The following NCOA3 variants were observed in gnomAD, a reference collection of about 807,000 sequenced individuals.
The protein encoded by NCOA3 is nuclear receptor coactivator 3.
In NCOA3, 51 loss-of-function variants were observed where a neutral mutation model predicts 158.8. That is an observed-to-expected ratio of 0.32 (90% CI 0.26 to 0.41). The LOEUF (loss-of-function observed/expected upper bound fraction) is 0.41, where lower values mean the gene tolerates loss of function less well. NCOA3 is among the 10% of genes least tolerant of loss of function. The probability of loss-of-function intolerance (pLI) is 1.00; values close to 1 mark genes in which losing one functional copy is unlikely to be tolerated. For missense variants in NCOA3, 1,510 were observed against 1,746.6 expected, an observed-to-expected ratio of 0.86 and a Z score of 2.41; for synonymous variants, 537 against 592.4, an observed-to-expected ratio of 0.91 and a Z score of 1.36.
Position 47,636,318 on chromosome 20 carries a change from A to G in NCOA3, c.1932A>G (p.Ser644=). ...CCTTGACCAACTCCCCCCTAGATTC[A>G]AGTTGTAAAGAATCTTCTGTTAGTG... ...HSSLTNSPLD[S]SCKESSVSVT... is the part of the protein sequence containing the mutation. The change falls in exon 12 of 23, where the codon TCA becomes TCG. Residue 644 remains serine (S), a synonymous_variant. Transcript: ENST00000371998. The G allele has an allele frequency of 6.2e-7, 1 of 1,614,104 alleles. No homozygotes were observed. Among genetic ancestry groups the G allele is most frequent in the Non-Finnish European group, 8.5e-7 (1 of 1,179,986 alleles).
At chr20:47,543,685 C>T (rs2425961) in intron 1 of NCOA3, among the ~76,000 whole-genome samples, 33,688 of 151,758 alleles carry the variant, frequency 0.22, 4,358 homozygotes, top group African/African-American at 0.34. Context: ...CAGTTTTGTG[C>T]TTTTAGTGTA....
At chr20:47,570,620 C>G (rs868851311) in intron 1 of NCOA3, among the ~76,000 whole-genome samples, 1 of 152,114 alleles carries the variant, frequency 6.6e-6, no homozygotes, top group Non-Finnish European at 1.5e-5. Flanking sequence ...GAATCAACGT[C>G]TTTCAGACTC....
intron 2 of NCOA3, among the ~76,000 whole-genome samples, chr20:47,620,058 T>C (rs2086210627): frequency 6.6e-6 from 1 of 151,940 alleles, no homozygotes; most frequent in Non-Finnish European, 1.5e-5. Flanking sequence ...CCTCCCAAAG[T>C]GGTGGGATTA....
At chr20:47,546,119 C>T (rs866903246) in intron 1 of NCOA3, among the ~76,000 whole-genome samples, 1 of 152,188 alleles carries the variant, frequency 6.6e-6, no homozygotes, top group Non-Finnish European at 1.5e-5. Flanking sequence ...AACTGAAACT[C>T]AACATGTCCC....
rs2230782 is a variant in NCOA3 at position 47,636,144 on chromosome 20, G to A, written c.1758G>A (p.Gln586=). ...ATCCAGTGGAGAGTTCAATGTGTCA[G>A]TCAAATAGCAGAGATCACCTCAGTG... The part of the protein sequence containing the change: ...DQNPVESSMC[Q]SNSRDHLSDK... The change falls in exon 12 of 23, where the codon CAG becomes CAA. Residue 586 remains glutamine, a synonymous_variant. Coordinates refer to ENST00000371998, the MANE Select transcript of NCOA3 (RefSeq NM_181659.3). 3.7e-6 allele frequency: 6 copies of A among 1,614,140 alleles called. No individual in the cohort carries two copies. In the Admixed American group the frequency reaches 1.0e-4, roughly 27 times the overall value.
chr20:47,594,049 A>G (rs1391060692), intron 2 of NCOA3, among the ~76,000 whole-genome samples: 1 of 152,194 alleles, frequency 6.6e-6, no homozygotes, highest in Non-Finnish European at 1.5e-5. Context: ...AAACCAAACA[A>G]CTTAAGTGAA....
At chr20:47,526,664 G>C (rs534279853) in intron 1 of NCOA3, among the ~76,000 whole-genome samples, 45 of 152,378 alleles carry the variant, frequency 3.0e-4, no homozygotes, top group Non-Finnish European at 3.8e-4. Flanking sequence ...GGCAAGCTGA[G>C]GCAGGAGAAT....
chr20:47,653,793 A>C lies in NCOA3; in HGVS notation c.*376A>C. 1 of 257,894 alleles carries C rather than the reference A, an allele frequency of 3.9e-6. No individual in the cohort carries two copies. Among genetic ancestry groups the C allele is most frequent in the Non-Finnish European group, 7.4e-6 (1 of 135,910 alleles). 16.0% of individuals were successfully genotyped at this position (257,894 alleles called of 1,614,324 possible). A position where few individuals can be genotyped will look rare whatever the true frequency, so the allele number is the denominator to read the frequency against. Reference sequence around the variant, plus strand: ...ACGTAGGTGGGCCAGAGAACATTGGAAGAATCAAGAGAGATTAGAATATCT... The same window carrying C: ...ACGTAGGTGGGCCAGAGAACATTGGCAGAATCAAGAGAGATTAGAATATCT... On this transcript the variant is annotated 3_prime_UTR_variant, in exon 23 of 23. Transcript: ENST00000371998.
chr20:47,506,363 T>C (rs182551470), intron 1 of NCOA3, among the ~76,000 whole-genome samples: 6 of 152,346 alleles, frequency 3.9e-5, no homozygotes, highest in African/African-American at 1.4e-4. Flanking sequence ...GAATTGAATT[T>C]AATTGCCTTT....
chr20:47,550,674 G>A (rs2084915163), intron 1 of NCOA3, among the ~76,000 whole-genome samples: 1 of 152,102 alleles, frequency 6.6e-6, no homozygotes, highest in Non-Finnish European at 1.5e-5. Context: ...CTCTTATCAT[G>A]TAATTAAGAT....
At chr20:47,587,280 C>T (rs78671413) in intron 2 of NCOA3, among the ~76,000 whole-genome samples, 3 of 152,166 alleles carry the variant, frequency 2.0e-5, no homozygotes, top group Non-Finnish European at 4.4e-5. Context: ...GCTAGTGAAA[C>T]TCCTGTAAGT....
intron 1 of NCOA3, among the ~76,000 whole-genome samples, chr20:47,519,111 G>A (rs891956255): frequency 6.6e-6 from 1 of 150,962 alleles, no homozygotes; most frequent in African/African-American, 2.4e-5. Context: ...ACTCCACACT[G>A]GGTGACAGAG....
chr20:47,528,840 C>G (rs2146101652), intron 1 of NCOA3, among the ~76,000 whole-genome samples: 1 of 152,242 alleles, frequency 6.6e-6, no homozygotes, highest in Non-Finnish European at 1.5e-5. Flanking sequence ...ATGGTGTGAT[C>G]TTAGCTCACT....
chr20:47,526,313 A>G (rs1191291897), intron 1 of NCOA3, among the ~76,000 whole-genome samples: 4 of 150,732 alleles, frequency 2.7e-5, no homozygotes, highest in Admixed American at 1.3e-4. Context: ...CACATCCCAG[A>G]CGATGGGCGG....
chr20:47,603,046 TA>T (rs2085887604), intron 2 of NCOA3, among the ~76,000 whole-genome samples: 1 of 152,236 alleles, frequency 6.6e-6, no homozygotes, highest in African/African-American at 2.4e-5. Flanking sequence ...ATGCCTTTCC[TA>T]ATAAGAGTTC....
chr20:47,549,135 C>T (rs2146149290), intron 1 of NCOA3, among the ~76,000 whole-genome samples: 2 of 152,122 alleles, frequency 1.3e-5, no homozygotes, highest in Middle Eastern at 6.8e-3. Flanking sequence ...ACCTCAGCCT[C>T]CAAAAGTGTT....
rs1451919248 is a variant in NCOA3, at chr20:47,627,961, C to T, written c.761C>T (p.Thr254Ile). Reference protein sequence around the residue: ...SCMICVARRITTGERTFPSNP... With the variant: ...SCMICVARRIITGERTFPSNP... ...ATGATCTGTGTGGCACGCCGCATTA[C>T]TACAGGAGAAAGAACATTTCCATCA... The change falls in exon 8 of 23, where the codon ACT becomes ATT. Residue 254 changes from threonine to isoleucine, a missense_variant. By Grantham distance (89) the Thr-to-Ile change is moderately conservative. Around this residue, in one of 4 missense-constraint regions of NCOA3, gnomAD observed 309 missense variants for 427.1 expected, o/e 0.72. Transcript: ENST00000371998. 3 of 1,613,824 alleles carry T rather than the reference C, an allele frequency of 1.9e-6. No individual in the cohort carries two copies. Among genetic ancestry groups the T allele is most frequent in the Non-Finnish European group, 2.5e-6 (3 of 1,179,960 alleles).
At chr20:47,632,853 T>C (rs1172961978) in intron 8 of NCOA3, among the ~76,000 whole-genome samples, 2 of 151,662 alleles carry the variant, frequency 1.3e-5, no homozygotes, top group East Asian at 3.9e-4. Flanking sequence ...CAGCTAATTT[T>C]TGTATTTTTA....
chr20:47,587,127 A>G (rs996177586), intron 2 of NCOA3, among the ~76,000 whole-genome samples: 1 of 152,106 alleles, frequency 6.6e-6, no homozygotes, highest in Non-Finnish European at 1.5e-5. Flanking sequence ...TTCCTTTCCC[A>G]TTACCCGTCG....
Sources: gnomAD v4.1 joint callset for allele counts (sites outside exome capture counted in the v4.1 genomes callset) on GRCh38, gnomAD v4.1.1 for gene constraint, gnomAD v4.1.1 regional missense constraint, MANE v1.5 for transcripts, NCBI Gene and HGNC (gene_info 2026-07-23, HGNC 2026-07-21) for gene names.